FAM184A: variants seen among roughly 807,000 people sequenced by gnomAD.
The protein encoded by FAM184A is protein FAM184A.
Under a neutral mutation model 143.8 loss-of-function variants are expected in FAM184A, and 99 were observed. The observed-to-expected ratio is 0.69, with a 90% CI of 0.58 to 0.81. FAM184A has a LOEUF of 0.81. Among genes scored for constraint, FAM184A ranks in the 40% least tolerant of loss-of-function variants. The pLI, the probability that FAM184A is intolerant of heterozygous loss-of-function variation, is 0.00. For missense variants in FAM184A, 1,217 were observed against 1,310.5 expected (o/e 0.93, Z 1.10); for synonymous variants, 427 against 446.4 (o/e 0.96, Z 0.55).
chr6:118,966,838 T>C lies in FAM184A; in HGVS notation c.3030A>G (p.Leu1010=), dbSNP rs775626685. 5 of 1,514,334 alleles carry C rather than the reference T, an allele frequency of 3.3e-6. No homozygotes were observed. In the South Asian group the frequency reaches 4.7e-5, roughly 14 times the overall value. 93.8% of individuals were successfully genotyped at this position (1,514,334 alleles called of 1,614,324 possible). The change falls in exon 15 of 18, where the codon CTA becomes CTG. Residue 1010 remains leucine (L), a synonymous_variant. Transcript: ENST00000338891. ...GACTAAAACCAAAATATCTTACAAT[T>C]AGTTTCTTTATGATCTGGTCTCTTT... ...LTERDQIIKK[L]IEDNKFYQLE... is the part of the protein sequence containing the mutation.
intron 1 of FAM184A, among the ~76,000 whole-genome samples, chr6:119,112,921 C>T (rs1788969237): frequency 6.6e-6 from 1 of 152,204 alleles, no homozygotes; most frequent in African/African-American, 2.4e-5. Flanking sequence ...AAATGACCAA[C>T]TGCCATAAAA....
intron 9 of FAM184A, among the ~76,000 whole-genome samples, chr6:118,990,814 C>T (rs929182676): frequency 1.7e-4 from 26 of 151,954 alleles, no homozygotes; most frequent in Admixed American, 1.3e-4. Flanking sequence ...TAGTTTGAAC[C>T]GAGAGGCGAG....
chr6:119,132,481 G>A (rs1041925199), intron 1 of FAM184A, among the ~76,000 whole-genome samples: 1 of 152,212 alleles, frequency 6.6e-6, no homozygotes, highest in African/African-American at 2.4e-5. Flanking sequence ...TGCTACAACA[G>A]CTGCCTGGAT....
intron 1 of FAM184A, among the ~76,000 whole-genome samples, chr6:119,068,340 C>T (rs940818586): frequency 3.3e-5 from 5 of 152,150 alleles, no homozygotes; most frequent in East Asian, 1.9e-4. Context: ...TGAGCCACTG[C>T]GCCTGGCCTA....
intron 11 of FAM184A, among the ~76,000 whole-genome samples, chr6:118,979,074 G>A (rs1783939037): frequency 6.6e-6 from 1 of 152,176 alleles, no homozygotes; most frequent in Admixed American, 6.5e-5. Context: ...AGCAGTGATT[G>A]ATTTCTGGGA....
chr6:119,084,633 C>G (rs1411325433), intron 1 of FAM184A, among the ~76,000 whole-genome samples: 2 of 152,230 alleles, frequency 1.3e-5, no homozygotes, highest in Non-Finnish European at 2.9e-5. Context: ...TCTCACAGCT[C>G]CACTAGGCAA....
In FAM184A at chr6:119,003,711, C is replaced by T. The variant is rs185940465; in HGVS notation, c.1816-89G>A. The T allele has an allele frequency of 1.2e-3, 1,514 of 1,302,192 alleles. 10 individuals are homozygous for T. The African/African-American group carries it at 0.02, about 17-fold the overall frequency. The allele number at this position is 1,302,192 out of a possible 1,614,324, so 80.7% of individuals were successfully genotyped here. A position where few individuals can be genotyped will look rare whatever the true frequency, so the allele number is the denominator to read the frequency against. ...AATAAGTAAAGTGCTTGTATTAAAACTTTTAATTTTAAATTCTTACAGCCC... is the reference window on the plus strand; with the variant it reads ...AATAAGTAAAGTGCTTGTATTAAAATTTTTAATTTTAAATTCTTACAGCCC... On this transcript the variant is annotated intron_variant, in intron 7 of 17. Transcript: ENST00000338891.
chr6:119,114,319 G>A (rs975927155), intron 1 of FAM184A, among the ~76,000 whole-genome samples: 1 of 152,068 alleles, frequency 6.6e-6, no homozygotes, highest in Non-Finnish European at 1.5e-5. Flanking sequence ...GTTTTATTTG[G>A]CAACCCTCTA....
intron 1 of FAM184A, among the ~76,000 whole-genome samples, chr6:119,129,756 T>A (rs1391936233): frequency 6.6e-6 from 1 of 152,094 alleles, no homozygotes; most frequent in East Asian, 1.9e-4. Flanking sequence ...CTTTTTAACT[T>A]ATTTGCATAA....
chr6:119,066,075 C>T (rs1175416260), intron 1 of FAM184A, among the ~76,000 whole-genome samples: 1 of 152,172 alleles, frequency 6.6e-6, no homozygotes, highest in African/African-American at 2.4e-5. Flanking sequence ...ACACACGGTC[C>T]ACAGCTGTGA....
intron 1 of FAM184A, among the ~76,000 whole-genome samples, chr6:119,062,453 CT>C (rs1787296478): frequency 6.6e-6 from 1 of 151,968 alleles, no homozygotes; most frequent in Non-Finnish European, 1.5e-5. Context: ...TGCTTGAGCC[CT>C]GGAATAACAG....
At chr6:119,032,193 A>T (rs1785897633) in intron 1 of FAM184A, among the ~76,000 whole-genome samples, 2 of 151,746 alleles carry the variant, frequency 1.3e-5, no homozygotes, top group African/African-American at 4.8e-5. Flanking sequence ...AATTGCTTGA[A>T]CCTGAGAGGC....
At chr6:119,029,439 C>T (rs1785788647) in intron 1 of FAM184A, among the ~76,000 whole-genome samples, 2 of 152,128 alleles carry the variant, frequency 1.3e-5, no homozygotes, top group African/African-American at 4.8e-5. Flanking sequence ...TCTTCCATGA[C>T]CACCCAAATC....
chr6:119,118,723 G>A (rs889079611), intron 1 of FAM184A, among the ~76,000 whole-genome samples: 2 of 152,038 alleles, frequency 1.3e-5, no homozygotes, highest in Non-Finnish European at 2.9e-5. Context: ...GAGGATGTAT[G>A]TCATCTCAGG....
rs148454963 is a variant in FAM184A, at chr6:119,027,210, T to C, written c.160-2397A>G. On this transcript the variant is annotated intron_variant, in intron 1 of 17. Coordinates refer to ENST00000338891, the MANE Select transcript of FAM184A (RefSeq NM_024581.6). The stretch of plus-strand genomic sequence containing the variant: ...CACTTTCCAGGCTGAACATTACACA[T>C]ACTGATTTATGTCTTTGCCTGTAAC... 2.9e-4 allele frequency among the ~76,000 whole-genome samples: 44 copies of C among 152,216 alleles called. 1 individual carries two copies. The East Asian group carries it at 3.7e-3, about 13-fold the overall frequency.
intron 1 of FAM184A, among the ~76,000 whole-genome samples, chr6:119,099,450 G>C (rs1397482023): frequency 6.6e-6 from 1 of 152,070 alleles, no homozygotes; most frequent in East Asian, 1.9e-4. Flanking sequence ...TCATGCTTGG[G>C]GGAAGAGCTT....
intron 1 of FAM184A, among the ~76,000 whole-genome samples, chr6:119,143,122 G>A (rs561332809): frequency 1.3e-5 from 2 of 152,238 alleles, no homozygotes; most frequent in East Asian, 1.9e-4. Context: ...GAAAGAATAC[G>A]TTTGTGTTGT....
At chr6:119,098,691 C>T (rs947692348) in intron 1 of FAM184A, among the ~76,000 whole-genome samples, 11 of 152,168 alleles carry the variant, frequency 7.2e-5, no homozygotes, top group African/African-American at 2.7e-4. Flanking sequence ...GGCATGACTT[C>T]CTCCAGGTCC....
intron 11 of FAM184A, among the ~76,000 whole-genome samples, chr6:118,977,643 G>C (rs1393965497): frequency 1.3e-5 from 2 of 152,156 alleles, no homozygotes; most frequent in African/African-American, 4.8e-5. Flanking sequence ...TTCTTAACCT[G>C]ACAAAATCAT....
Sources: allele counts gnomAD v4.1 joint callset (sites outside exome capture counted in the v4.1 genomes callset), GRCh38; gene constraint gnomAD v4.1.1; transcripts MANE v1.5; gene names NCBI Gene and HGNC (gene_info 2026-07-23, HGNC 2026-07-21).